The following FBXO28 variants were observed in gnomAD, a reference collection of about 807,000 sequenced individuals.
FBXO28 encodes the protein F-box only protein 28.
Under a neutral mutation model 38.1 loss-of-function variants are expected in FBXO28, and 8 were observed. The observed-to-expected ratio is 0.21, with a 90% confidence interval of 0.12 to 0.38. The LOEUF is 0.38. Ranked by LOEUF, FBXO28 falls within the 10% of genes least tolerant of loss-of-function variation. FBXO28 has a pLI of 1.00. For missense variants in FBXO28, 345 were observed against 460.6 expected (o/e 0.75, Z 2.30); for synonymous variants, 168 against 173.8 (o/e 0.97, Z 0.26).
intron 1 of FBXO28, among the ~76,000 whole-genome samples, chr1:224,122,152 T>C (rs1385147142): frequency 6.6e-6 from 1 of 152,152 alleles, no homozygotes; most frequent in Non-Finnish European, 1.5e-5. Flanking sequence ...TGAGGGAAAT[T>C]AAGATGAGTT....
rs1572030399 is a variant in FBXO28, at chr1:224,159,452, A to G, written c.*1706A>G. On this transcript the variant is annotated 3_prime_UTR_variant, in exon 5 of 5. Coordinates refer to ENST00000366862, the MANE Select transcript of FBXO28 (RefSeq NM_015176.4). ...GACTTTGAAATTCCATTTACAATGT[A>G]GTATGTTTTCAATGAAAAACCATAA... The G allele has an allele frequency of 6.6e-6, 1 of 152,670 alleles. No individual in the cohort carries two copies. Among genetic ancestry groups the G allele is most frequent in the Non-Finnish European group, 1.5e-5 (1 of 68,040 alleles). The allele number at this position is 152,670 out of a possible 1,614,324, so 9.5% of individuals were successfully genotyped here. A position where few individuals can be genotyped will look rare whatever the true frequency, so the allele number is the denominator to read the frequency against.
chr1:224,157,268 G>T, intron 4 of FBXO28, 84 bp from the exon 5 acceptor site: 16 of 1,451,604 alleles, frequency 1.1e-5, no homozygotes, highest in South Asian at 8.3e-5. Flanking sequence ...ACATAGTAAG[G>T]GTATTCCATT....
At position 224,161,442 on chromosome 1, in the gene FBXO28, T is replaced by TA. The variant is rs1657904941; in HGVS notation, c.*3697dup. ...TTGTTTGGAAATGGCTGATTTCTGA[T>TA]ATGAAACCCAACTTGATACACTGTT... On this transcript the variant is annotated 3_prime_UTR_variant, in exon 5 of 5. Coordinates refer to ENST00000366862, the MANE Select transcript of FBXO28 (RefSeq NM_015176.4). 1 of 152,218 alleles carries TA rather than the reference T, an allele frequency of 6.6e-6. No homozygotes were observed. Among genetic ancestry groups the TA allele is most frequent in the African/African-American group, 2.4e-5 (1 of 41,458 alleles). The allele number at this position is 152,218 out of a possible 1,614,324, so 9.4% of individuals were successfully genotyped here. A position where few individuals can be genotyped will look rare whatever the true frequency, so the allele number is the denominator to read the frequency against.
chr1:224,136,829 G>A (rs1386176964), intron 3 of FBXO28, among the ~76,000 whole-genome samples: 3 of 151,132 alleles, frequency 2.0e-5, no homozygotes, highest in Admixed American at 6.6e-5. Context: ...TTGGCTCACC[G>A]CAACCTCTGC....
Position 224,157,860 on chromosome 1 carries a change from C to T in FBXO28, c.*114C>T. On this transcript the variant is annotated 3_prime_UTR_variant, in exon 5 of 5. Transcript: ENST00000366862. ...CCCTTAAGCTTCTAGGCTTTCAGAA[C>T]ACAACTTAAACTTGAACTCTTATGG... 2 of 1,450,402 alleles carry T rather than the reference C, an allele frequency of 1.4e-6. No individual in the cohort carries two copies. The highest frequency in any genetic ancestry group is 2.5e-5 in the East Asian group (1 of 40,656). 89.8% of individuals were successfully genotyped at this position (1,450,402 alleles called of 1,614,324 possible).
intron 1 of FBXO28, among the ~76,000 whole-genome samples, chr1:224,123,629 T>G (rs1209791648): frequency 6.6e-6 from 1 of 152,014 alleles, no homozygotes; most frequent in Non-Finnish European, 1.5e-5. Flanking sequence ...TCTCAAAGTC[T>G]CTACAGCATC....
chr1:224,119,135 C>CTTTTTTTTTTTTTTTTTT (rs67458349), intron 1 of FBXO28, among the ~76,000 whole-genome samples: 1 of 109,908 alleles, frequency 9.1e-6, no homozygotes, highest in Non-Finnish European at 1.7e-5. Flanking sequence ...TCTTTTTTTT[C>CTTTTTTTTTTTTTTTTTT]TTTTTTTTTT....
intron 3 of FBXO28, among the ~76,000 whole-genome samples, chr1:224,144,711 C>T (rs1421797746): frequency 1.3e-5 from 2 of 150,266 alleles, no homozygotes; most frequent in African/African-American, 4.9e-5. Flanking sequence ...GAGCCGAGAT[C>T]GTGCCACCAC....
chr1:224,130,614 A>T (rs747326576), intron 2 of FBXO28, 33 bp downstream of exon 2: 1 of 1,453,062 alleles, frequency 6.9e-7, no homozygotes, highest in South Asian at 1.2e-5. Context: ...AATGATGTAC[A>T]GTTGGTTTTG....
At chr1:224,121,089 T>G (rs1656761151) in intron 1 of FBXO28, among the ~76,000 whole-genome samples, 2 of 152,020 alleles carry the variant, frequency 1.3e-5, no homozygotes, top group Admixed American at 1.3e-4. Context: ...CTCTTAGGAG[T>G]TATTAAAATT....
At chr1:224,138,239 A>G (rs926586295) in intron 3 of FBXO28, among the ~76,000 whole-genome samples, 5 of 151,782 alleles carry the variant, frequency 3.3e-5, no homozygotes, top group Non-Finnish European at 7.3e-5. Context: ...AAAAAAAAGA[A>G]TTTAGACAGG....
intron 1 of FBXO28, among the ~76,000 whole-genome samples, chr1:224,119,312 T>A (rs560752340): frequency 1.3e-5 from 2 of 151,506 alleles, no homozygotes; most frequent in Middle Eastern, 3.4e-3. Context: ...TTTTTTTTTT[T>A]ATTTTTAGTA....
Position 224,122,216 on chromosome 1 carries a change from A to G in FBXO28, c.267+7820A>G, listed in dbSNP as rs368696982. On this transcript the variant is annotated intron_variant, in intron 1 of 4. Coordinates refer to ENST00000366862, the MANE Select transcript of FBXO28 (RefSeq NM_015176.4). ...GAGCCAGAATGGTTGTGATTCGTTC[A>G]TTATTCATTTTTTAAATGATTTTTT... 1.2e-3 allele frequency among the ~76,000 whole-genome samples: 185 copies of G among 152,308 alleles called. 1 individual carries two copies. Among genetic ancestry groups the G allele is most frequent in the Admixed American group, 7.7e-3 (118 of 15,298 alleles).
Position 224,130,605 on chromosome 1 carries a change from A to G in FBXO28, c.377+24A>G, listed in dbSNP as rs183628204. The G allele has an allele frequency of 4.0e-4, 592 of 1,487,638 alleles. No individual in the cohort carries two copies. In the African/African-American group the frequency reaches 4.2e-3, roughly 11 times the overall value. The allele number at this position is 1,487,638 out of a possible 1,614,324, so 92.2% of individuals were successfully genotyped here. ...AGGTATGTTGTGGGTGGCAATGACA[A>G]TGATGTACAGTTGGTTTTGTTTGTT... On this transcript the variant is annotated intron_variant, in intron 2 of 4. Coordinates refer to ENST00000366862, the MANE Select transcript of FBXO28 (RefSeq NM_015176.4).
At chr1:224,151,276 A>G (rs1489552415) in intron 3 of FBXO28, among the ~76,000 whole-genome samples, 3 of 152,024 alleles carry the variant, frequency 2.0e-5, no homozygotes, top group Admixed American at 1.3e-4. Context: ...CACACATCTC[A>G]TCTCCCATTG....
chr1:224,134,432 T>C (rs752466594), intron 3 of FBXO28: 55 of 382,858 alleles, frequency 1.4e-4, no homozygotes, highest in Non-Finnish European at 2.5e-4. Flanking sequence ...TAATATTCTT[T>C]AGAGAAGTTT....
At position 224,120,070 on chromosome 1, in the gene FBXO28, T is replaced by A. The variant is rs542572359; in HGVS notation, c.267+5674T>A. 2.0e-5 allele frequency among the ~76,000 whole-genome samples: 3 copies of A among 152,354 alleles called. No homozygotes were observed. In the East Asian group the frequency reaches 5.8e-4, roughly 29 times the overall value. On this transcript the variant is annotated intron_variant, in intron 1 of 4. Transcript: ENST00000366862. Reference sequence around the variant, plus strand: ...TTAAAAGACACCAGATATATCTGCATACCTTGATAAACTGAGTAGTATGAA... The same window carrying A: ...TTAAAAGACACCAGATATATCTGCAAACCTTGATAAACTGAGTAGTATGAA...
chr1:224,146,673 A>T (rs1657513811), intron 3 of FBXO28, among the ~76,000 whole-genome samples: 1 of 150,578 alleles, frequency 6.6e-6, no homozygotes. Flanking sequence ...CACCAGCCAC[A>T]GCCTGTACTG....
chr1:224,117,221 C>T (rs1656662560), intron 1 of FBXO28, among the ~76,000 whole-genome samples: 1 of 130,600 alleles, frequency 7.7e-6, no homozygotes, highest in Non-Finnish European at 1.5e-5. Context: ...GGCTGGAGTG[C>T]AGTGGTGCCA....
Sources: allele counts gnomAD v4.1 joint callset (sites outside exome capture counted in the v4.1 genomes callset), GRCh38; gene constraint gnomAD v4.1.1; transcripts MANE v1.5; gene names NCBI Gene and HGNC (gene_info 2026-07-23, HGNC 2026-07-21).